Variants in PGBD2 observed in about 807,000 individuals in gnomAD.
PGBD2 encodes the protein piggyBac transposable element-derived protein 2.
In PGBD2, 6 loss-of-function variants were observed where a neutral mutation model predicts 8.1. That is an observed-to-expected ratio of 0.74 (90% CI 0.40 to 1.46). PGBD2 has a LOEUF of 1.46. Ranked by LOEUF, PGBD2 falls within the 40% of genes most tolerant of loss-of-function variation. PGBD2 has a pLI of 0.02. For missense variants in PGBD2, 802 were observed against 739.0 expected, an observed-to-expected ratio of 1.09 and a Z score of -0.99; for synonymous variants, 318 against 272.2, an observed-to-expected ratio of 1.17 and a Z score of -1.66.
At chr1:248,923,696 G>A (rs1293073293), downstream of PGBD2, among the ~76,000 whole-genome samples, 1 of 152,194 alleles carries the variant, frequency 6.6e-6, no homozygotes, top group Non-Finnish European at 1.5e-5. Flanking sequence ...TCCTCATACA[G>A]TCAATATAAT....
chr1:248,898,274 G>C, the PGBD2 span, among the ~76,000 whole-genome samples: 1 of 152,118 alleles, frequency 6.6e-6, no homozygotes, highest in African/African-American at 2.4e-5. Context: ...TATCCCTCCT[G>C]ACTGAATGAG....
At chr1:248,878,495 T>C in the PGBD2 span, among the ~76,000 whole-genome samples, 17 of 152,270 alleles carry the variant, frequency 1.1e-4, no homozygotes, top group East Asian at 3.1e-3. Flanking sequence ...TTTATGACCA[T>C]AAAGGCAGTT....
chr1:248,906,786 A>G (rs7536216), intron 1 of PGBD2, among the ~76,000 whole-genome samples: 41,007 of 151,564 alleles, frequency 0.27, 6,543 homozygotes, highest in African/African-American at 0.44. Flanking sequence ...GTCGTTTTTA[A>G]CTGCGTCTGC....
chr1:248,910,529 G>T (rs1310381744), intron 1 of PGBD2, among the ~76,000 whole-genome samples: 5 of 152,160 alleles, frequency 3.3e-5, no homozygotes, highest in Non-Finnish European at 7.4e-5. Flanking sequence ...TTCCAAAATC[G>T]CACAGCTCAT....
the PGBD2 span, among the ~76,000 whole-genome samples, chr1:248,890,683 T>C: frequency 0.037 from 5,252 of 141,816 alleles, 300 homozygotes; most frequent in African/African-American, 0.13. Flanking sequence ...ACATGCACCA[T>C]ACACACCAAC....
the PGBD2 span, among the ~76,000 whole-genome samples, chr1:248,889,705 G>A: frequency 6.6e-6 from 1 of 152,108 alleles, no homozygotes; most frequent in Admixed American, 6.6e-5. Flanking sequence ...CTCATACACT[G>A]GAGCCCCAGT....
In PGBD2 at chr1:248,917,468, A is replaced by G. The variant is rs1195901585; in HGVS notation, c.884A>G (p.Lys295Arg). 1.2e-6 allele frequency: 2 copies of G among 1,614,122 alleles called. No homozygotes were observed. The highest frequency in any genetic ancestry group is 1.7e-5 in the Admixed American group (1 of 60,012). Residue 295 changes from lysine to arginine, a missense_variant, in exon 3 of 3, where the codon AAG becomes AGG. Transcript: ENST00000329291. ...GGGAAGCCTGTGCGACTTGGCTACA[A>G]GATTTGGTGTGGGACAACCAGCAGA... is the stretch of plus-strand genomic sequence containing the variant. ...HRGKPVRLGY[K>R]IWCGTTSRGY...
chr1:248,895,631 T>C, the PGBD2 span, among the ~76,000 whole-genome samples: 1 of 152,068 alleles, frequency 6.6e-6, no homozygotes, highest in African/African-American at 2.4e-5. Flanking sequence ...TCTGAGATTT[T>C]GGTGCACTAA....
chr1:248,906,779 G>C (rs535623280), intron 1 of PGBD2, among the ~76,000 whole-genome samples: 139 of 151,664 alleles, frequency 9.2e-4, no homozygotes, highest in African/African-American at 3.2e-3. Flanking sequence ...GGGGCGGGTC[G>C]TTTTTAACTG....
Position 248,917,422 on chromosome 1 carries a change from G to A in PGBD2, c.838G>A (p.Gly280Arg). Reference sequence around the variant, plus strand: ...TATGTGTGAGTACTTTGGGCACCGGGGGTCCAAGCAGCTGCACAGGGGGAA... The same window carrying A: ...TATGTGTGAGTACTTTGGGCACCGGAGGTCCAAGCAGCTGCACAGGGGGAA... Reference protein sequence around the residue: ...ESMCEYFGHRGSKQLHRGKPV... With the variant: ...ESMCEYFGHRRSKQLHRGKPV... The change falls in exon 3 of 3, where the codon GGG (glycine) becomes AGG (arginine). Residue 280 changes from glycine (G) to arginine (R), a missense_variant. Transcript: ENST00000329291. 1 of 1,614,122 alleles carries A rather than the reference G, an allele frequency of 6.2e-7. No homozygotes were observed. The highest frequency in any genetic ancestry group is 8.5e-7 in the Non-Finnish European group (1 of 1,180,014).
the PGBD2 span, among the ~76,000 whole-genome samples, chr1:248,893,548 G>A: frequency 6.6e-6 from 1 of 152,132 alleles, no homozygotes; most frequent in Non-Finnish European, 1.5e-5. Context: ...CAAATAGTAG[G>A]ATTTCCTTCT....
the PGBD2 span, among the ~76,000 whole-genome samples, chr1:248,927,774 G>A: frequency 1.3e-5 from 2 of 152,180 alleles, no homozygotes; most frequent in African/African-American, 4.8e-5. Flanking sequence ...ATTCTATCCT[G>A]CTTCACCCAA....
At chr1:248,882,701 ATC>A in the PGBD2 span, among the ~76,000 whole-genome samples, 1 of 152,124 alleles carries the variant, frequency 6.6e-6, no homozygotes, top group African/African-American at 2.4e-5. Flanking sequence ...AGCTATGAAC[ATC>A]TGTTTTCCTG....
chr1:248,905,036 C>T (rs1375354772), upstream of PGBD2, among the ~76,000 whole-genome samples: 1 of 152,172 alleles, frequency 6.6e-6, no homozygotes, highest in Non-Finnish European at 1.5e-5. Context: ...ATCTGGGGAA[C>T]AAAGCAAGTT....
At chr1:248,905,832 G>C (rs977461467), upstream of PGBD2, among the ~76,000 whole-genome samples, 1 of 152,174 alleles carries the variant, frequency 6.6e-6, no homozygotes, top group Non-Finnish European at 1.5e-5. Context: ...CTTCAGGGTT[G>C]GTAAGGCCGA....
downstream of PGBD2, among the ~76,000 whole-genome samples, chr1:248,923,496 C>G (rs1490320151): frequency 1.3e-5 from 2 of 152,112 alleles, no homozygotes; most frequent in Non-Finnish European, 2.9e-5. Context: ...CAGCTCGCAT[C>G]ATCGTTTACA....
chr1:248,929,209 G>T, the PGBD2 span, among the ~76,000 whole-genome samples: 15 of 151,670 alleles, frequency 9.9e-5, no homozygotes, highest in Admixed American at 9.8e-4. Context: ...GTTTCTGTCT[G>T]TTTTTTTTCA....
the PGBD2 span, among the ~76,000 whole-genome samples, chr1:248,891,064 A>G: frequency 0.035 from 5,280 of 152,258 alleles, 303 homozygotes; most frequent in African/African-American, 0.12. Context: ...TCACTCACGC[A>G]CTGACGCATG....
chr1:248,887,230 G>A, the PGBD2 span, among the ~76,000 whole-genome samples: 1 of 152,150 alleles, frequency 6.6e-6, no homozygotes, highest in African/African-American at 2.4e-5. Context: ...CTAAAATACA[G>A]GCCTTACTCA....
Sources: allele counts gnomAD v4.1 joint callset (sites outside exome capture counted in the v4.1 genomes callset), GRCh38; gene constraint gnomAD v4.1.1; transcripts MANE v1.5; gene names NCBI Gene and HGNC (gene_info 2026-07-23, HGNC 2026-07-21).